The following TSPAN12 variants were observed in gnomAD, a reference collection of about 807,000 sequenced individuals.
The protein encoded by TSPAN12 is tetraspanin-12.
Under a neutral mutation model 39.2 loss-of-function variants are expected in TSPAN12, and 19 were observed. That is an observed-to-expected ratio of 0.49 (90% CI 0.34 to 0.71). The LOEUF (loss-of-function observed/expected upper bound fraction) is 0.71. Ranked by LOEUF, TSPAN12 falls within the 30% of genes least tolerant of loss-of-function variation. The pLI is 0.01. For missense variants in TSPAN12, 314 were observed against 359.9 expected (o/e 0.87, Z 1.03); for synonymous variants, 119 against 124.8 (o/e 0.95, Z 0.31).
At chr7:120,824,495 C>T (rs6953454) in intron 4 of TSPAN12, among the ~76,000 whole-genome samples, 59,986 of 151,778 alleles carry the variant, frequency 0.4, 14,183 homozygotes, top group African/African-American at 0.67. Flanking sequence ...GTGAGTTGAA[C>T]TATTTTCCAT....
intron 7 of TSPAN12, among the ~76,000 whole-genome samples, chr7:120,799,373 A>C (rs909990260): frequency 1.4e-5 from 2 of 146,694 alleles, no homozygotes; most frequent in African/African-American, 5.0e-5. Flanking sequence ...AGTGATGAGG[A>C]AACATTTATT....
At chr7:120,856,003 C>A (rs1049757511) in intron 2 of TSPAN12, among the ~76,000 whole-genome samples, 1 of 152,116 alleles carries the variant, frequency 6.6e-6, no homozygotes, top group Non-Finnish European at 1.5e-5. Context: ...ATTAATCATA[C>A]TTTATTAAGA....
intron 4 of TSPAN12, among the ~76,000 whole-genome samples, chr7:120,832,572 T>C (rs1794408089): frequency 6.6e-6 from 1 of 152,152 alleles, no homozygotes; most frequent in South Asian, 2.1e-4. Flanking sequence ...CTGTGAAACA[T>C]TCTGGAAATC....
At chr7:120,807,997 T>C (rs1334971224) in intron 6 of TSPAN12, among the ~76,000 whole-genome samples, 1 of 152,120 alleles carries the variant, frequency 6.6e-6, no homozygotes, top group African/African-American at 2.4e-5. Context: ...AAATAATATA[T>C]GTAGTATAAA....
chr7:120,810,635 C>CACAA, intron 5 of TSPAN12, 65 bp from the exon 6 acceptor site: 1 of 793,064 alleles, frequency 1.3e-6, no homozygotes. Context: ...CACACACACA[C>CACAA]ACACACACAC....
chr7:120,857,576 C>A (rs1266877260), intron 1 of TSPAN12, among the ~76,000 whole-genome samples: 1 of 152,048 alleles, frequency 6.6e-6, no homozygotes, highest in Non-Finnish European at 1.5e-5. Flanking sequence ...ATTCAAACCC[C>A]GCTTCCCCCG....
intron 2 of TSPAN12, among the ~76,000 whole-genome samples, chr7:120,846,842 CG>C (rs1411786507): frequency 2.6e-5 from 4 of 152,116 alleles, no homozygotes; most frequent in Non-Finnish European, 2.9e-5. Context: ...ACCCATTCCA[CG>C]GGGTCAAAGG....
intron 2 of TSPAN12, among the ~76,000 whole-genome samples, chr7:120,850,293 C>T (rs1427963504): frequency 6.6e-6 from 1 of 152,140 alleles, no homozygotes; most frequent in Non-Finnish European, 1.5e-5. Context: ...CAGAAGAGAC[C>T]CACTATAAGC....
At chr7:120,799,790 A>G (rs1419280458) in intron 7 of TSPAN12, among the ~76,000 whole-genome samples, 2 of 135,864 alleles carry the variant, frequency 1.5e-5, no homozygotes, top group East Asian at 2.0e-4. Flanking sequence ...TATATATAAT[A>G]AATATATTAA....
Position 120,857,999 on chromosome 7 carries a change from G to C in TSPAN12, c.-250C>G, listed in dbSNP as rs868815229. On this transcript the variant is annotated 5_prime_UTR_variant, in exon 1 of 8. Coordinates refer to ENST00000222747, the MANE Select transcript of TSPAN12 (RefSeq NM_012338.4). ...CGCCGTCGCCGCCTCCTGGGAAAAAGAAAAAAAAAAAAAAAAGTCCTGGGC... is the reference window on the plus strand; with the variant it reads ...CGCCGTCGCCGCCTCCTGGGAAAAACAAAAAAAAAAAAAAAAGTCCTGGGC... 1.8e-5 allele frequency: 2 copies of C among 114,098 alleles called. No individual in the cohort carries two copies. The highest frequency in any genetic ancestry group is 3.3e-5 in the African/African-American group (1 of 30,328). The allele number at this position is 114,098 out of a possible 1,614,324, so 7.1% of individuals were successfully genotyped here.
At chr7:120,822,723 C>T (rs2116410679) in intron 4 of TSPAN12, among the ~76,000 whole-genome samples, 1 of 152,188 alleles carries the variant, frequency 6.6e-6, no homozygotes, top group African/African-American at 2.4e-5. Context: ...CAAACACAGG[C>T]CCCTCTCTCA....
At chr7:120,833,067 A>C (rs1794416872) in intron 4 of TSPAN12, among the ~76,000 whole-genome samples, 1 of 152,066 alleles carries the variant, frequency 6.6e-6, no homozygotes, top group Non-Finnish European at 1.5e-5. Flanking sequence ...ATCTTTGGGG[A>C]TTCTACTTTT....
chr7:120,798,929 A>G (rs1793686861), intron 7 of TSPAN12, among the ~76,000 whole-genome samples: 1 of 152,204 alleles, frequency 6.6e-6, no homozygotes, highest in Non-Finnish European at 1.5e-5. Flanking sequence ...CCCATTGGTT[A>G]TCTCAATCAT....
At chr7:120,830,002 C>T (rs1011633673) in intron 4 of TSPAN12, among the ~76,000 whole-genome samples, 1 of 152,062 alleles carries the variant, frequency 6.6e-6, no homozygotes, top group African/African-American at 2.4e-5. Context: ...GCCCCTGTCT[C>T]TGACACAACA....
intron 6 of TSPAN12, among the ~76,000 whole-genome samples, chr7:120,809,757 G>A (rs1042266666): frequency 2.0e-5 from 3 of 152,064 alleles, no homozygotes; most frequent in Admixed American, 6.6e-5. Flanking sequence ...TCTGAATACA[G>A]TCCCCACTTG....
At chr7:120,828,291 T>C (rs996784237) in intron 4 of TSPAN12, among the ~76,000 whole-genome samples, 1 of 152,154 alleles carries the variant, frequency 6.6e-6, no homozygotes, top group East Asian at 1.9e-4. Flanking sequence ...CAGGGATACA[T>C]AGCAAAAGAT....
chr7:120,839,963 T>C, intron 3 of TSPAN12, 64 bp downstream of exon 3: 2 of 1,373,920 alleles, frequency 1.5e-6, no homozygotes, highest in Non-Finnish European at 2.1e-6. Flanking sequence ...ACCATATAAA[T>C]AGCTGAGGGC....
intron 7 of TSPAN12, among the ~76,000 whole-genome samples, chr7:120,789,342 A>G (rs559490132): frequency 4.5e-4 from 69 of 152,326 alleles, no homozygotes; most frequent in African/African-American, 1.7e-3. Context: ...GGTTTCAGTG[A>G]AACTTCAAAC....
At position 120,840,046 on chromosome 7, in the gene TSPAN12, T is replaced by C; in HGVS notation, c.130A>G (p.Thr44Ala). 1.2e-6 allele frequency: 2 copies of C among 1,613,168 alleles called. No individual in the cohort carries two copies. Among genetic ancestry groups the C allele is most frequent in the Non-Finnish European group, 1.7e-6 (2 of 1,179,224 alleles). The change falls in exon 3 of 8, where the codon ACT becomes GCT. Residue 44 changes from threonine to alanine, a missense_variant. Thr to Ala is a moderately conservative substitution (Grantham distance 58). Transcript: ENST00000222747. ...GTATACCTCGTTTCTGCAGTTAAAG[T>C]GAGAACATTATTTAGGTAGTCCCTC... ...WMRDYLNNVL[T>A]LTAETRVEEA...
Sources: gnomAD v4.1 joint callset for allele counts (sites outside exome capture counted in the v4.1 genomes callset) on GRCh38, gnomAD v4.1.1 for gene constraint, MANE v1.5 for transcripts, NCBI Gene and HGNC (gene_info 2026-07-23, HGNC 2026-07-21) for gene names.